PAWR: variants seen among roughly 807,000 people sequenced by gnomAD.
PAWR encodes the protein pro-apoptotic WT1 regulator, also known as PRKC apoptosis WT1 regulator protein.
Under a neutral mutation model 32.0 loss-of-function variants are expected in PAWR, and 23 were observed. That is an observed-to-expected ratio of 0.72 (90% CI 0.52 to 1.02). PAWR has a LOEUF of 1.02. Ranked by LOEUF, PAWR falls within the 50% of genes least tolerant of loss-of-function variation. PAWR has a pLI of 0.00. For synonymous variants in PAWR, 226 were observed against 187.1 expected (o/e 1.21, Z -1.70); for missense variants, 457 against 437.7 (o/e 1.04, Z -0.39).
At chr12:79,682,945 A>G (rs1467206074) in intron 2 of PAWR, among the ~76,000 whole-genome samples, 3 of 152,236 alleles carry the variant, frequency 2.0e-5, no homozygotes. Context: ...TTGAGTTGCT[A>G]ATTATCAAAT....
intron 2 of PAWR, among the ~76,000 whole-genome samples, chr12:79,679,235 A>G (rs1300053286): frequency 6.6e-6 from 1 of 152,236 alleles, no homozygotes; most frequent in African/African-American, 2.4e-5. Context: ...ACAGGCATTC[A>G]TATGTTTCTG....
rs1360043593 is a variant in PAWR, at chr12:79,587,343, T to C, written c.*5264A>G. Reference sequence around the variant, plus strand: ...GTGCCTGTGTATGAAGAATGACAAATTAAGACAAAAGGTTATGTAAACCAT... The same window carrying C: ...GTGCCTGTGTATGAAGAATGACAAACTAAGACAAAAGGTTATGTAAACCAT... On this transcript the variant is annotated 3_prime_UTR_variant, in exon 7 of 7. Transcript: ENST00000328827. 1.3e-5 allele frequency: 2 copies of C among 152,032 alleles called. No homozygotes were observed. Among genetic ancestry groups the C allele is most frequent in the African/African-American group, 4.8e-5 (2 of 41,438 alleles). The allele number at this position is 152,032 out of a possible 1,614,324, so 9.4% of individuals were successfully genotyped here. A position where few individuals can be genotyped will look rare whatever the true frequency, so the allele number is the denominator to read the frequency against.
At chr12:79,666,657 A>C (rs1416980290) in intron 2 of PAWR, among the ~76,000 whole-genome samples, 2 of 152,218 alleles carry the variant, frequency 1.3e-5, no homozygotes, top group Non-Finnish European at 2.9e-5. Context: ...ATTTACAAAA[A>C]TGTTAAACAG....
chr12:79,643,310 A>G (rs1876417766), intron 2 of PAWR, among the ~76,000 whole-genome samples: 1 of 152,156 alleles, frequency 6.6e-6, no homozygotes, highest in South Asian at 2.1e-4. Context: ...TGCAGATTAT[A>G]TGAACCAAAA....
At chr12:79,660,088 A>G (rs1033671926) in intron 2 of PAWR, among the ~76,000 whole-genome samples, 1 of 152,222 alleles carries the variant, frequency 6.6e-6, no homozygotes, top group African/African-American at 2.4e-5. Flanking sequence ...AGCCATTAAA[A>G]AGCAGTGAGC....
intron 2 of PAWR, among the ~76,000 whole-genome samples, chr12:79,649,380 C>T (rs2049590): frequency 6.6e-6 from 1 of 151,690 alleles, no homozygotes; most frequent in Non-Finnish European, 1.5e-5. Flanking sequence ...CCATAGGTCA[C>T]TAGATACAAA....
In PAWR at chr12:79,587,832, T is replaced by C. The variant is rs887563673; in HGVS notation, c.*4775A>G. ...AAAAATTTTATTGAGTATTACTTTA[T>C]ACATGCAAATTGAAAGTGAATCTAT... On this transcript the variant is annotated 3_prime_UTR_variant, in exon 7 of 7. Coordinates refer to ENST00000328827, the MANE Select transcript of PAWR (RefSeq NM_002583.4). The C allele has an allele frequency of 1.3e-5, 2 of 152,000 alleles. No homozygotes were observed. The highest frequency in any genetic ancestry group is 2.9e-5 in the Non-Finnish European group (2 of 67,870). 9.4% of individuals were successfully genotyped at this position (152,000 alleles called of 1,614,324 possible).
chr12:79,639,335 T>C (rs1876167368), intron 2 of PAWR, among the ~76,000 whole-genome samples: 1 of 152,184 alleles, frequency 6.6e-6, no homozygotes. Context: ...TTTTAAAATT[T>C]TCTTGGCTTC....
chr12:79,641,570 C>T (rs1320938512), intron 2 of PAWR, among the ~76,000 whole-genome samples: 1 of 151,968 alleles, frequency 6.6e-6, no homozygotes, highest in African/African-American at 2.4e-5. Flanking sequence ...TATGATTGGC[C>T]AGGCGCGGTG....
rs1873434964 is a variant in PAWR, at chr12:79,587,951, G to GT, written c.*4655dup. The GT allele has an allele frequency of 6.6e-6, 1 of 151,942 alleles. No homozygotes were observed. The highest frequency in any genetic ancestry group is 1.9e-4 in the East Asian group (1 of 5,198). The allele number at this position is 151,942 out of a possible 1,614,324, so 9.4% of individuals were successfully genotyped here. ...AATGTGTTCAATAAATTATCCAGATGTTTTTCCACAAATATTTGGATTACC... is the reference window on the plus strand; with the variant it reads ...AATGTGTTCAATAAATTATCCAGATGTTTTTTCCACAAATATTTGGATTACC... On this transcript the variant is annotated 3_prime_UTR_variant, in exon 7 of 7. Transcript: ENST00000328827.
intron 6 of PAWR, 42 bp downstream of exon 6, chr12:79,594,286 CA>C (rs763080481): frequency 4.3e-4 from 319 of 745,544 alleles, no homozygotes; most frequent in South Asian, 8.0e-4. Context: ...ATCCAATTGC[CA>C]AAAAAAACCC....
At chr12:79,659,584 A>G (rs905496178) in intron 2 of PAWR, among the ~76,000 whole-genome samples, 1 of 152,204 alleles carries the variant, frequency 6.6e-6, no homozygotes. Context: ...AAGTGTTAAT[A>G]AAATTTTTCC....
chr12:79,621,217 A>G lies in PAWR; in HGVS notation c.517-10T>C. 1 of 1,586,722 alleles carries G rather than the reference A, an allele frequency of 6.3e-7. No homozygotes were observed. The highest frequency in any genetic ancestry group is 8.5e-7 in the Non-Finnish European group (1 of 1,172,156). On this transcript the variant is annotated splice_polypyrimidine_tract_variant and intron_variant, in intron 2 of 6. Transcript: ENST00000328827. Reference sequence around the variant, plus strand: ...CGTACTCATCTAAGCACTGAAAGAAAAAAAGAGTTTCCATTTTATTTCTAC... The same window carrying G: ...CGTACTCATCTAAGCACTGAAAGAAGAAAAGAGTTTCCATTTTATTTCTAC...
intron 1 of PAWR, 95 bp from the exon 2 acceptor site, chr12:79,690,486 G>A (rs1338480534): frequency 7.2e-6 from 5 of 695,164 alleles, no homozygotes; most frequent in African/African-American, 1.9e-5. Flanking sequence ...TGGAGTCCTC[G>A]AGCGCGCCCA....
chr12:79,594,285 C>T (rs956339868), intron 6 of PAWR, 44 bp downstream of exon 6: 10 of 724,216 alleles, frequency 1.4e-5, no homozygotes, highest in South Asian at 7.2e-5. Flanking sequence ...CATCCAATTG[C>T]CAAAAAAAAC....
chr12:79,658,052 G>A (rs1224526788), intron 2 of PAWR, among the ~76,000 whole-genome samples: 3 of 152,112 alleles, frequency 2.0e-5, no homozygotes, highest in East Asian at 1.9e-4. Flanking sequence ...GGGCATCATG[G>A]TGCAGGAAGA....
intron 2 of PAWR, among the ~76,000 whole-genome samples, chr12:79,671,253 AT>A (rs1255486444): frequency 6.6e-6 from 1 of 152,214 alleles, no homozygotes; most frequent in Non-Finnish European, 1.5e-5. Flanking sequence ...ACTAGACAAC[AT>A]AATTGAAATC....
At chr12:79,626,195 T>C (rs1875306346) in intron 2 of PAWR, among the ~76,000 whole-genome samples, 1 of 141,014 alleles carries the variant, frequency 7.1e-6, no homozygotes, top group Non-Finnish European at 1.5e-5. Flanking sequence ...AGAATACATA[T>C]ATATATAAAA....
chr12:79,632,819 A>T (rs1875773087), intron 2 of PAWR, among the ~76,000 whole-genome samples: 1 of 152,068 alleles, frequency 6.6e-6, no homozygotes. Flanking sequence ...ATCTCACATC[A>T]GTTACAAAAA....
Sources: allele counts gnomAD v4.1 joint callset (sites outside exome capture counted in the v4.1 genomes callset), GRCh38; gene constraint gnomAD v4.1.1; transcripts MANE v1.5; gene names NCBI Gene and HGNC (gene_info 2026-07-23, HGNC 2026-07-21).